The following RBKS variants were observed in gnomAD, a reference collection of about 807,000 sequenced individuals.
The protein encoded by RBKS is ribokinase.
A neutral mutation model predicts 33.9 loss-of-function variants in RBKS; 33 were observed. The observed-to-expected ratio is 0.97, with a 90% CI of 0.74 to 1.30. The LOEUF (loss-of-function observed/expected upper bound fraction) is 1.30. Among genes scored for constraint, RBKS ranks in the 50% most tolerant of loss-of-function variants. The pLI, the probability that RBKS is intolerant of heterozygous loss-of-function variation, is 0.00. For synonymous variants in RBKS, 125 were observed against 143.0 expected (o/e 0.87, Z 0.90); for missense variants, 361 against 392.6 (o/e 0.92, Z 0.68).
At chr2:27,831,244 C>T (rs1678409267) in intron 6 of RBKS, among the ~76,000 whole-genome samples, 2 of 136,234 alleles carry the variant, frequency 1.5e-5, no homozygotes, top group African/African-American at 6.7e-5. Flanking sequence ...ACTATATACA[C>T]AGGGATAGCC....
intron 2 of RBKS, among the ~76,000 whole-genome samples, chr2:27,850,991 T>C (rs1047819529): frequency 2.6e-5 from 4 of 152,190 alleles, no homozygotes; most frequent in Admixed American, 2.0e-4. Flanking sequence ...TCACCTAGCC[T>C]ACTGCAATTT....
intron 7 of RBKS, among the ~76,000 whole-genome samples, chr2:27,783,503 G>A (rs746730913): frequency 9.2e-5 from 14 of 152,156 alleles, no homozygotes; most frequent in Non-Finnish European, 1.3e-4. Context: ...AACAGAAAAC[G>A]TCCTGAGAAA....
At chr2:27,876,608 T>C (rs1375694606) in intron 1 of RBKS, among the ~76,000 whole-genome samples, 2 of 152,054 alleles carry the variant, frequency 1.3e-5, no homozygotes, top group Non-Finnish European at 1.5e-5. Flanking sequence ...GTACCTAAAG[T>C]AGTCAAATTC....
intron 7 of RBKS, among the ~76,000 whole-genome samples, chr2:27,824,163 C>T (rs1370694344): frequency 6.6e-6 from 1 of 152,112 alleles, no homozygotes; most frequent in Non-Finnish European, 1.5e-5. Context: ...GCTTCTTTTA[C>T]TTAGTAGTAT....
At chr2:27,790,346 C>A (rs1485280971) in intron 7 of RBKS, among the ~76,000 whole-genome samples, 1 of 152,056 alleles carries the variant, frequency 6.6e-6, no homozygotes, top group Non-Finnish European at 1.5e-5. Flanking sequence ...AGAGTTGAAA[C>A]AACAAACTTC....
chr2:27,871,870 A>C (rs1664218713), intron 1 of RBKS, among the ~76,000 whole-genome samples: 1 of 152,180 alleles, frequency 6.6e-6, no homozygotes, highest in Non-Finnish European at 1.5e-5. Context: ...TGCTAATGTT[A>C]ATCTGTATTT....
intron 7 of RBKS, among the ~76,000 whole-genome samples, 177 bp from the exon 8 acceptor site, chr2:27,781,965 A>G (rs915461311): frequency 6.6e-6 from 1 of 152,234 alleles, no homozygotes; most frequent in Non-Finnish European, 1.5e-5. Context: ...TTACTGTGGT[A>G]CATTTATCAC....
At position 27,858,283 on chromosome 2, in the gene RBKS, CAG is replaced by C. The variant is rs1434634274; in HGVS notation, c.222+154_222+155del. Among the ~76,000 whole-genome samples, 13 of 152,258 alleles carry C rather than the reference CAG, an allele frequency of 8.5e-5. No individual in the cohort carries two copies. The East Asian group carries it at 2.3e-3, about 27-fold the overall frequency. ...ATGATGGTAAAGTTCTGGAACAAGA[CAG>C]AAGTGGTGGTTGAATGTATTAAATG... is the stretch of plus-strand genomic sequence containing the variant. On this transcript the variant is annotated intron_variant, in intron 2 of 7. Coordinates refer to ENST00000302188, the MANE Select transcript of RBKS (RefSeq NM_022128.3).
intron 1 of RBKS, chr2:27,870,858 A>C: frequency 2.2e-6 from 1 of 461,630 alleles, no homozygotes; most frequent in Non-Finnish European, 4.4e-6. Flanking sequence ...CTGGCAACAA[A>C]AGTGCACATA....
chr2:27,820,501 T>C (rs1168273700), intron 7 of RBKS, among the ~76,000 whole-genome samples: 1 of 152,180 alleles, frequency 6.6e-6, no homozygotes, highest in Non-Finnish European at 1.5e-5. Flanking sequence ...CAAATATTTG[T>C]GTATGTGAGC....
At chr2:27,784,454 C>T (rs1677360398) in intron 7 of RBKS, among the ~76,000 whole-genome samples, 1 of 152,106 alleles carries the variant, frequency 6.6e-6, no homozygotes, top group Non-Finnish European at 1.5e-5. Flanking sequence ...GTGATGGGTG[C>T]TAGAAAAGGA....
chr2:27,784,459 A>G (rs1677360598), intron 7 of RBKS, among the ~76,000 whole-genome samples: 1 of 152,232 alleles, frequency 6.6e-6, no homozygotes, highest in South Asian at 2.1e-4. Context: ...GGGTGCTAGA[A>G]AAGGACTAAA....
At chr2:27,869,072 TG>T (rs1664154488) in intron 1 of RBKS, among the ~76,000 whole-genome samples, 1 of 152,196 alleles carries the variant, frequency 6.6e-6, no homozygotes, top group Non-Finnish European at 1.5e-5. Context: ...AACATATCCA[TG>T]TTCACCCAGT....
At chr2:27,787,507 G>A (rs1440662875) in intron 7 of RBKS, among the ~76,000 whole-genome samples, 1 of 152,088 alleles carries the variant, frequency 6.6e-6, no homozygotes, top group Non-Finnish European at 1.5e-5. Flanking sequence ...GGATCCTCCC[G>A]CCTTGGCCTC....
intron 1 of RBKS, among the ~76,000 whole-genome samples, chr2:27,873,385 C>T (rs1430222811): frequency 6.6e-6 from 1 of 152,150 alleles, no homozygotes; most frequent in Non-Finnish European, 1.5e-5. Flanking sequence ...CTACTTTGAG[C>T]AAGGTACTGT....
At chr2:27,834,627 C>T (rs1037479512) in intron 5 of RBKS, among the ~76,000 whole-genome samples, 4 of 152,130 alleles carry the variant, frequency 2.6e-5, no homozygotes, top group African/African-American at 9.7e-5. Flanking sequence ...TCTCATTGTC[C>T]AGTATTCTAA....
At chr2:27,800,042 T>C (rs965217699) in intron 7 of RBKS, among the ~76,000 whole-genome samples, 4 of 150,194 alleles carry the variant, frequency 2.7e-5, no homozygotes, top group African/African-American at 9.8e-5. Context: ...CCCTTGTTGT[T>C]AGGTGTCTTT....
intron 5 of RBKS, among the ~76,000 whole-genome samples, chr2:27,841,978 A>G (rs1663522202): frequency 1.3e-5 from 2 of 152,060 alleles, no homozygotes; most frequent in African/African-American, 4.8e-5. Flanking sequence ...AGAGGAAAAA[A>G]TTGGGATTTA....
At chr2:27,889,987 AGGGCAGGTCTTTG>A in intron 1 of RBKS, 1 of 355,848 alleles carries the variant, frequency 2.8e-6, no homozygotes, top group Admixed American at 4.7e-5. Context: ...AAGTCTTTGG[AGGGCAGGTCTTTG>A]GGGAGCGCTT....
Sources: gnomAD v4.1 joint callset for allele counts (sites outside exome capture counted in the v4.1 genomes callset) on GRCh38, gnomAD v4.1.1 for gene constraint, MANE v1.5 for transcripts, NCBI Gene and HGNC (gene_info 2026-07-23, HGNC 2026-07-21) for gene names.